The following HABP2 variants were observed in gnomAD, a reference collection of about 807,000 sequenced individuals.
The protein encoded by HABP2 is factor VII-activating protease.
In HABP2, 65 loss-of-function variants were observed where a neutral mutation model predicts 66.5. The ratio of observed to expected loss-of-function variants is 0.98; its 90% CI spans 0.80 to 1.20. The LOEUF (loss-of-function observed/expected upper bound fraction) is 1.20, where lower values mean the gene tolerates loss of function less well. Ranked by LOEUF, HABP2 falls within the 50% of genes most tolerant of loss-of-function variation. HABP2 has a pLI of 0.00. For missense variants in HABP2, 786 were observed against 691.0 expected, an observed-to-expected ratio of 1.14 and a Z score of -1.54; for synonymous variants, 263 against 253.9, an observed-to-expected ratio of 1.04 and a Z score of -0.34.
At position 113,588,829 on chromosome 10, in the gene HABP2, C is replaced by G; in HGVS notation, c.*460C>G. On this transcript the variant is annotated 3_prime_UTR_variant, in exon 13 of 13. Coordinates refer to ENST00000351270, the MANE Select transcript of HABP2 (RefSeq NM_004132.5). ...GGACCACAAATACAACATTCTCCAT[C>G]TGCTTTCAGAGTTATTATTTTAATA... is the stretch of plus-strand genomic sequence containing the variant. 1 of 674,060 alleles carries G rather than the reference C, an allele frequency of 1.5e-6. No homozygotes were observed. Among genetic ancestry groups the G allele is most frequent in the Non-Finnish European group, 2.6e-6 (1 of 378,042 alleles). The allele number at this position is 674,060 out of a possible 1,614,324, so 41.8% of individuals were successfully genotyped here. A position where few individuals can be genotyped will look rare whatever the true frequency, so the allele number is the denominator to read the frequency against.
intron 3 of HABP2, 137 bp from the exon 4 acceptor site, chr10:113,575,760 C>T: frequency 1.5e-6 from 1 of 660,770 alleles, no homozygotes; most frequent in Non-Finnish European, 2.7e-6. Flanking sequence ...CATATGTTTT[C>T]CTCCTTTCCC....
At chr10:113,553,606 T>G (rs994259945) in intron 1 of HABP2, among the ~76,000 whole-genome samples, 16 of 152,208 alleles carry the variant, frequency 1.1e-4, no homozygotes, top group Non-Finnish European at 1.8e-4. Flanking sequence ...GACACTAGGG[T>G]AAGAAGCAAT....
intron 2 of HABP2, among the ~76,000 whole-genome samples, chr10:113,567,916 G>A (rs140013232): frequency 2.1e-4 from 32 of 152,320 alleles, no homozygotes; most frequent in Non-Finnish European, 3.8e-4. Flanking sequence ...CAGGCAGGCC[G>A]CTCCACCTCT....
intron 2 of HABP2, chr10:113,570,304 G>GGTT (rs1845281787): frequency 6.6e-6 from 1 of 152,168 alleles, no homozygotes; most frequent in Non-Finnish European, 1.5e-5. Context: ...CTGATACATA[G>GGTT]AAAATACTCA....
At chr10:113,583,195 C>A in intron 9 of HABP2, 21 bp from the exon 10 acceptor site, 1 of 1,612,218 alleles carries the variant, frequency 6.2e-7, no homozygotes, top group Non-Finnish European at 8.5e-7. Context: ...GCCTTCCTGA[C>A]CATCTCATTT....
In HABP2 at chr10:113,563,711, T is replaced by G. The variant is rs540248879; in HGVS notation, c.70-3778T>G. Among the ~76,000 whole-genome samples, 534 of 152,336 alleles carry G rather than the reference T, an allele frequency of 3.5e-3. 3 individuals carry two copies. Among genetic ancestry groups the G allele is most frequent in the African/African-American group, 0.012 (506 of 41,576 alleles). On this transcript the variant is annotated intron_variant, in intron 1 of 12. Coordinates refer to ENST00000351270, the MANE Select transcript of HABP2 (RefSeq NM_004132.5). ...CAGCTGGAGCCAGGATGCGCAATGC[T>G]GGCCCAGGTGCAGGTCCTGGAGGGC...
intron 7 of HABP2, among the ~76,000 whole-genome samples, chr10:113,579,754 TTTC>T (rs540305659): frequency 1.9e-3 from 294 of 151,742 alleles, no homozygotes; most frequent in African/African-American, 6.3e-3. Context: ...ATGAGGATTT[TTTC>T]TTGTTTTTTT....
At chr10:113,586,459 T>TGC (rs1845634843) in intron 12 of HABP2, among the ~76,000 whole-genome samples, 1 of 96,156 alleles carries the variant, frequency 1.0e-5, no homozygotes, top group Non-Finnish European at 2.1e-5. Flanking sequence ...GACTCATGTG[T>TGC]GCGTGTGTGT....
At chr10:113,564,259 C>T (rs1489496116) in intron 1 of HABP2, among the ~76,000 whole-genome samples, 1 of 152,090 alleles carries the variant, frequency 6.6e-6, no homozygotes, top group Non-Finnish European at 1.5e-5. Context: ...ATTCAATTAC[C>T]TCCCACATGG....
chr10:113,553,056 C>CCG lies in HABP2; in HGVS notation c.-65_-64insGC. On this transcript the variant is annotated 5_prime_UTR_variant, in exon 1 of 13. Coordinates refer to ENST00000351270, the MANE Select transcript of HABP2 (RefSeq NM_004132.5). The stretch of plus-strand genomic sequence containing the variant: ...ATCCTTGGAGACTGACATTTTTCCC[C>CCG]CCTAAAGGCATAGACAACAAAAGAA... 1 of 1,169,880 alleles carries CCG rather than the reference C, an allele frequency of 8.5e-7. No homozygotes were observed. The highest frequency in any genetic ancestry group is 1.3e-6 in the Non-Finnish European group (1 of 777,040). 72.5% of individuals were successfully genotyped at this position (1,169,880 alleles called of 1,614,324 possible).
chr10:113,588,127 C>G (rs1845691715), intron 12 of HABP2, 78 bp from the exon 13 acceptor site: 1 of 1,236,322 alleles, frequency 8.1e-7, no homozygotes, highest in Admixed American at 2.4e-5. Flanking sequence ...CCCTCCCTGA[C>G]ACCCCCTGGA....
intron 2 of HABP2, 108 bp downstream of exon 2, chr10:113,567,633 T>A: frequency 1.2e-6 from 1 of 810,152 alleles, no homozygotes; most frequent in South Asian, 1.4e-5. Context: ...AGGGTTCAAC[T>A]GGTTCCAGGT....
chr10:113,558,908 G>T (rs1202841334), intron 1 of HABP2, among the ~76,000 whole-genome samples: 1 of 151,980 alleles, frequency 6.6e-6, no homozygotes, highest in Admixed American at 6.6e-5. Flanking sequence ...AGGCTGGAGT[G>T]CAATGGCGCA....
intron 12 of HABP2, 87 bp from the exon 13 acceptor site, chr10:113,588,118 C>A (rs965208711): frequency 8.8e-7 from 1 of 1,140,984 alleles, no homozygotes; most frequent in Non-Finnish European, 1.2e-6. Context: ...CCACCCCATC[C>A]CTCCCTGACA....
intron 1 of HABP2, among the ~76,000 whole-genome samples, chr10:113,561,954 T>C (rs1413401976): frequency 6.6e-6 from 1 of 152,314 alleles, no homozygotes; most frequent in East Asian, 1.9e-4. Flanking sequence ...CTTTTCTCCC[T>C]GCCTTCCTCA....
intron 1 of HABP2, among the ~76,000 whole-genome samples, chr10:113,559,999 C>T (rs1043456746): frequency 2.6e-5 from 4 of 152,230 alleles, no homozygotes; most frequent in Non-Finnish European, 5.9e-5. Flanking sequence ...GCCTCATCTT[C>T]CTCCTCTGCA....
intron 1 of HABP2, among the ~76,000 whole-genome samples, chr10:113,558,805 T>C (rs1270076016): frequency 6.6e-6 from 1 of 152,050 alleles, no homozygotes; most frequent in Non-Finnish European, 1.5e-5. Flanking sequence ...CTTGTGCTTA[T>C]GAGGCGGCCC....
Position 113,588,910 on chromosome 10 carries a change from T to C in HABP2, c.*541T>C. 3.0e-6 allele frequency: 4 copies of C among 1,317,552 alleles called. No individual in the cohort carries two copies. Among genetic ancestry groups the C allele is most frequent in the Non-Finnish European group, 4.4e-6 (4 of 914,468 alleles). The allele number at this position is 1,317,552 out of a possible 1,614,324, so 81.6% of individuals were successfully genotyped here. ...TTCCAGCTTGCCGAAATCAAAGCCA[T>C]CTGAAGCCTGTCTCTGGTGAACAAA... On this transcript the variant is annotated 3_prime_UTR_variant, in exon 13 of 13. Transcript: ENST00000351270.
At position 113,588,991 on chromosome 10, in the gene HABP2, T is replaced by C. The variant is rs148467563; in HGVS notation, c.*622T>C. The C allele has an allele frequency of 1.2e-6, 2 of 1,608,272 alleles. No homozygotes were observed. Among genetic ancestry groups the C allele is most frequent in the South Asian group, 1.1e-5 (1 of 91,046 alleles). On this transcript the variant is annotated 3_prime_UTR_variant, in exon 13 of 13. Coordinates refer to ENST00000351270, the MANE Select transcript of HABP2 (RefSeq NM_004132.5). ...GGACATGGCTCACAACAGCAGGGCC[T>C]TCTTCTTTTTGACGTGCAGAATCTC...
Sources: allele counts gnomAD v4.1 joint callset (sites outside exome capture counted in the v4.1 genomes callset), GRCh38; gene constraint gnomAD v4.1.1; transcripts MANE v1.5; gene names NCBI Gene and HGNC (gene_info 2026-07-23, HGNC 2026-07-21).